The following MERTK variants were observed in gnomAD, a reference collection of about 807,000 sequenced individuals.
MERTK encodes MER proto-oncogene, tyrosine kinase, also known as tyrosine-protein kinase Mer.
In MERTK, 69 loss-of-function variants were observed where a neutral mutation model predicts 99.3. The ratio of observed to expected loss-of-function variants is 0.70; its 90% CI spans 0.57 to 0.85. The LOEUF is 0.85. MERTK is among the 40% of genes least tolerant of loss of function. MERTK has a pLI of 0.00. For missense variants in MERTK, 1,125 were observed against 1,249.4 expected (o/e 0.90, Z 1.50); for synonymous variants, 426 against 467.6 (o/e 0.91, Z 1.15).
chr2:111,985,560 C>T (rs1420821047), intron 8 of MERTK, among the ~76,000 whole-genome samples: 1 of 152,120 alleles, frequency 6.6e-6, no homozygotes, highest in Non-Finnish European at 1.5e-5. Context: ...ATACCTGAGA[C>T]TAGGTAATTA....
intron 1 of MERTK, chr2:111,913,032 G>C: frequency 1.0e-6 from 1 of 985,370 alleles, no homozygotes; most frequent in African/African-American, 1.7e-5. Context: ...GACTGTCTAG[G>C]TAAAAGGCCT....
chr2:111,961,156 C>CTTTTTTTTT (rs1052197732), intron 4 of MERTK, among the ~76,000 whole-genome samples: 10 of 98,080 alleles, frequency 1.0e-4, no homozygotes, highest in East Asian at 2.9e-4. Context: ...AATTTTCTTT[C>CTTTTTTTTT]TTTTTTTTTT....
At chr2:112,008,598 C>T (rs1041530436) in intron 14 of MERTK, 123 bp downstream of exon 14, 1 of 803,724 alleles carries the variant, frequency 1.2e-6, no homozygotes. Context: ...TAACTTATAA[C>T]ATTGAGGTTT....
At chr2:111,966,844 G>A (rs10084408) in intron 5 of MERTK, among the ~76,000 whole-genome samples, 9,727 of 152,080 alleles carry the variant, frequency 0.064, 366 homozygotes, top group African/African-American at 0.11. Flanking sequence ...TCCTAAATGT[G>A]GCCCCCAGGG....
intron 4 of MERTK, among the ~76,000 whole-genome samples, chr2:111,954,580 G>A (rs1030906514): frequency 3.9e-5 from 6 of 152,174 alleles, no homozygotes; most frequent in African/African-American, 7.2e-5. Context: ...AATAGTCCCC[G>A]AGTTTTAGGT....
At chr2:112,014,814 TTTG>T (rs1470670331) in intron 15 of MERTK, among the ~76,000 whole-genome samples, 1 of 152,036 alleles carries the variant, frequency 6.6e-6, no homozygotes, top group East Asian at 1.9e-4. Flanking sequence ...TTTTTTTGTA[TTTG>T]TACTAGAGAC....
chr2:111,943,695 C>A (rs1276012749), intron 2 of MERTK, among the ~76,000 whole-genome samples: 1 of 152,156 alleles, frequency 6.6e-6, no homozygotes, highest in Non-Finnish European at 1.5e-5. Context: ...CAGTGAGAGA[C>A]CTTACAAAAT....
At position 112,028,800 on chromosome 2, in the gene MERTK, G is replaced by A. The variant is rs377207025; in HGVS notation, c.2936G>A (p.Ser979Asn). The stretch of plus-strand genomic sequence containing the variant: ...CATTCGAGCATGCTGCCCTTGGGAA[G>A]CTCATTGCCCGATGAACTTTTGTTT... The part of the protein sequence containing the change: ...WSHSSMLPLG[S>N]SLPDELLFAD... Residue 979 changes from serine to asparagine, a missense_variant, in exon 19 of 19, where the codon AGC (serine) becomes AAC (asparagine). Physicochemically the swap from Ser to Asn is conservative, Grantham distance 46. Transcript: ENST00000295408. The A allele has an allele frequency of 3.1e-6, 5 of 1,614,020 alleles. No homozygotes were observed. Among genetic ancestry groups the A allele is most frequent in the Non-Finnish European group, 2.5e-6 (3 of 1,180,042 alleles).
chr2:111,973,991 C>CAAAA (rs34537631), intron 6 of MERTK, among the ~76,000 whole-genome samples: 4 of 84,682 alleles, frequency 4.7e-5, no homozygotes, highest in Admixed American at 1.3e-4. Context: ...ATCTCCTCAT[C>CAAAA]AAAAAAAAAA....
At chr2:111,925,594 C>G (rs563437884) in intron 1 of MERTK, among the ~76,000 whole-genome samples, 18 of 151,660 alleles carry the variant, frequency 1.2e-4, no homozygotes, top group African/African-American at 3.9e-4. Context: ...TGAGCCACCG[C>G]GCCTGGCCCA....
intron 15 of MERTK, among the ~76,000 whole-genome samples, chr2:112,017,627 C>G (rs1339821684): frequency 9.3e-6 from 1 of 107,588 alleles, no homozygotes; most frequent in African/African-American, 3.0e-5. Context: ...AGCACGACTT[C>G]GTCTCAAAAA....
intron 1 of MERTK, among the ~76,000 whole-genome samples, chr2:111,914,763 A>G (rs984221609): frequency 6.6e-5 from 10 of 152,226 alleles, no homozygotes; most frequent in Non-Finnish European, 1.3e-4. Flanking sequence ...ATTGTGGTAT[A>G]TAATTATTTT....
chr2:111,965,706 G>A (rs547607648), intron 5 of MERTK, among the ~76,000 whole-genome samples: 8 of 152,172 alleles, frequency 5.3e-5, no homozygotes, highest in African/African-American at 1.7e-4. Context: ...TCTAGGAAAT[G>A]GACCCTGTCC....
chr2:111,922,091 T>C (rs989764007), intron 1 of MERTK, among the ~76,000 whole-genome samples: 5 of 152,128 alleles, frequency 3.3e-5, no homozygotes, highest in African/African-American at 1.2e-4. Flanking sequence ...CACAGCATCC[T>C]GGGGTAGCTG....
At chr2:111,977,063 A>G (rs1173236361) in intron 7 of MERTK, among the ~76,000 whole-genome samples, 1 of 152,192 alleles carries the variant, frequency 6.6e-6, no homozygotes, top group Non-Finnish European at 1.5e-5. Flanking sequence ...AAAGAGATTT[A>G]TATAACCAGG....
intron 1 of MERTK, among the ~76,000 whole-genome samples, chr2:111,899,682 TAA>T (rs1684007760): frequency 6.6e-6 from 1 of 152,104 alleles, no homozygotes; most frequent in Non-Finnish European, 1.5e-5. Flanking sequence ...CACGTCCGGC[TAA>T]TTTTTGTATT....
Position 112,029,321 on chromosome 2 carries a change from CTG to C in MERTK, c.*458_*459del. The C allele has an allele frequency of 1.1e-6, 1 of 947,540 alleles. No individual in the cohort carries two copies. The highest frequency in any genetic ancestry group is 1.3e-6 in the Non-Finnish European group (1 of 794,606). The allele number at this position is 947,540 out of a possible 1,614,324, so 58.7% of individuals were successfully genotyped here. On this transcript the variant is annotated 3_prime_UTR_variant, in exon 19 of 19. Coordinates refer to ENST00000295408, the MANE Select transcript of MERTK (RefSeq NM_006343.3). ...TCATTCAATGTTTAAAGTTGTATAA[CTG>C]ATTAATTTTCTGATATGGCTTCCTA...
intron 14 of MERTK, among the ~76,000 whole-genome samples, chr2:112,009,342 G>C (rs1677047625): frequency 6.6e-6 from 1 of 152,162 alleles, no homozygotes; most frequent in Non-Finnish European, 1.5e-5. Flanking sequence ...TGCAAGCATG[G>C]GATCAGGTGA....
intron 7 of MERTK, among the ~76,000 whole-genome samples, chr2:111,980,474 A>G (rs1285859488): frequency 3.0e-5 from 4 of 134,888 alleles, no homozygotes; most frequent in African/African-American, 5.7e-5. Context: ...GCCGGACTGC[A>G]GTGGCACAAT....
Sources: allele counts gnomAD v4.1 joint callset (sites outside exome capture counted in the v4.1 genomes callset), GRCh38; gene constraint gnomAD v4.1.1; transcripts MANE v1.5; gene names NCBI Gene and HGNC (gene_info 2026-07-23, HGNC 2026-07-21).